The following HDLBP variants were observed in gnomAD, a reference collection of about 807,000 sequenced individuals.
The protein encoded by HDLBP is high density lipoprotein binding protein, also known as vigilin.
A neutral mutation model predicts 137.3 loss-of-function variants in HDLBP; 30 were observed. The ratio of observed to expected loss-of-function variants is 0.22; its 90% CI spans 0.16 to 0.30. The LOEUF (loss-of-function observed/expected upper bound fraction) is 0.30, where lower values mean the gene tolerates loss of function less well. HDLBP is among the 10% of genes least tolerant of loss of function. HDLBP has a pLI of 1.00. For synonymous variants in HDLBP, 606 were observed against 596.0 expected (o/e 1.02, Z -0.24); for missense variants, 1,119 against 1,667.3 (o/e 0.67, Z 5.73).
At chr2:241,287,794 T>C (rs2074875795) in intron 1 of HDLBP, among the ~76,000 whole-genome samples, 1 of 152,080 alleles carries the variant, frequency 6.6e-6, no homozygotes, top group Admixed American at 6.5e-5. Context: ...GCATAAGACC[T>C]CTCTAGAAGG....
In HDLBP at chr2:241,254,918, A is replaced by C. The variant is rs74883155; in HGVS notation, c.1188+133T>G. On this transcript the variant is annotated intron_variant, in intron 9 of 27. Transcript: ENST00000310931. ...AACACGGAAGTTGACCATGTCAAAC[A>C]GGCCAGTTAATTCAGAAAAATACAC... is the stretch of plus-strand genomic sequence containing the variant. 6,041 of 717,670 alleles carry C rather than the reference A, an allele frequency of 8.4e-3. 61 individuals are homozygous for C. The highest frequency in any genetic ancestry group is 0.045 in the African/African-American group (2,547 of 57,192). The allele number at this position is 717,670 out of a possible 1,614,324, so 44.5% of individuals were successfully genotyped here.
chr2:241,287,506 T>C (rs2074863870), intron 1 of HDLBP, among the ~76,000 whole-genome samples: 1 of 150,618 alleles, frequency 6.6e-6, no homozygotes, highest in African/African-American at 2.4e-5. Flanking sequence ...CTGCAACCTC[T>C]GCCTCCCAGG....
rs867541916 is a variant in HDLBP, at chr2:241,272,420, C to T, written c.-102-3879G>A. 5.1e-5 allele frequency: 50 copies of T among 984,752 alleles called. 1 individual carries two copies. The highest frequency in any genetic ancestry group is 1.0e-3 in the Middle Eastern group (2 of 1,912). 61.0% of individuals were successfully genotyped at this position (984,752 alleles called of 1,614,324 possible). The stretch of plus-strand genomic sequence containing the variant: ...GGCCACGGCACCAGGGGTGCCCCAC[C>T]GAAGCCCCGGGAGGAGGCGGGGGAG... On this transcript the variant is annotated intron_variant, in intron 1 of 27. Transcript: ENST00000310931. The surrounding 1 kb of genome is among the most constrained non-coding windows in gnomAD (Gnocchi z 5.6).
chr2:241,247,289 G>A, intron 14 of HDLBP, 147 bp from the exon 15 acceptor site: 1 of 625,882 alleles, frequency 1.6e-6, no homozygotes, highest in South Asian at 1.9e-5. Context: ...GGGTAAGTGA[G>A]ATAGATCATT....
chr2:241,267,562 T>A lies in HDLBP; in HGVS notation c.-37-656A>T, dbSNP rs1039946289. On this transcript the variant is annotated intron_variant, in intron 2 of 27. Transcript: ENST00000310931. ...ACAGCGACCTTGGTTATTCTGTCAATTTGCTCACCACACACCTCTTAATGC... is the reference window on the plus strand; with the variant it reads ...ACAGCGACCTTGGTTATTCTGTCAAATTGCTCACCACACACCTCTTAATGC... 15 of 1,534,796 alleles carry A rather than the reference T, an allele frequency of 9.8e-6. 1 individual carries two copies. In the Middle Eastern group the frequency reaches 6.7e-4, roughly 68 times the overall value.
At chr2:241,235,050 C>T in intron 23 of HDLBP, 71 bp downstream of exon 23, 2 of 1,567,348 alleles carry the variant, frequency 1.3e-6, no homozygotes, top group Admixed American at 3.4e-5. Context: ...GAAGAACTTC[C>T]CTAGATTCTG....
At chr2:241,310,387 T>C (rs1376894642) in intron 1 of HDLBP, among the ~76,000 whole-genome samples, 4 of 152,214 alleles carry the variant, frequency 2.6e-5, no homozygotes, top group Non-Finnish European at 4.4e-5. Flanking sequence ...AATAATAATG[T>C]CGATTTCAAA....
chr2:241,241,848 A>C (rs2071270404), intron 17 of HDLBP, among the ~76,000 whole-genome samples: 1 of 152,250 alleles, frequency 6.6e-6, no homozygotes, highest in East Asian at 1.9e-4. Flanking sequence ...AAATGCCTGC[A>C]AAAGTCAAAA....
chr2:241,266,999 C>CT (rs969520526), intron 2 of HDLBP, 93 bp from the exon 3 acceptor site: 3 of 904,532 alleles, frequency 3.3e-6, no homozygotes, highest in Non-Finnish European at 1.8e-6. Flanking sequence ...GTTTTACTCT[C>CT]TTTTTTACCA....
At position 241,239,562 on chromosome 2, in the gene HDLBP, T is replaced by TG. The variant is rs757818850; in HGVS notation, c.2610+39dup. 2.0e-6 allele frequency: 3 copies of TG among 1,534,670 alleles called. No individual in the cohort carries two copies. The highest frequency in any genetic ancestry group is 1.1e-5 in the South Asian group (1 of 89,100). On this transcript the variant is annotated intron_variant, in intron 19 of 27. Transcript: ENST00000310931. The surrounding 1 kb of genome is among the most constrained non-coding windows in gnomAD (Gnocchi z 4.6). ...ATACACGGCTTCGGTGAGTGGCCAC[T>TG]GGGGGGTGAGAACCCCTCCCCGAGC... is the stretch of plus-strand genomic sequence containing the variant.
rs771607913 is a variant in HDLBP at position 241,255,156 on chromosome 2, G to A, written c.1083C>T (p.Ala361=). 3 of 1,613,578 alleles carry A rather than the reference G, an allele frequency of 1.9e-6. No individual in the cohort carries two copies. Among genetic ancestry groups the A allele is most frequent in the African/African-American group, 2.7e-5 (2 of 74,894 alleles). Residue 361 remains alanine, a splice_region_variant and synonymous_variant, in exon 9 of 28, where the codon GCC becomes GCT. Transcript: ENST00000310931. ...CGACAGAGGAGACGGTGAAGCTATTGGCCTAAGAAAATGGGAGAACAGCCA... is the reference window on the plus strand; with the variant it reads ...CGACAGAGGAGACGGTGAAGCTATTAGCCTAAGAAAATGGGAGAACAGCCA... ...GQALTEVYAK[A]NSFTVSSVAA... is the part of the protein sequence containing the mutation.
Position 241,239,604 on chromosome 2 carries a change from G to C in HDLBP, c.2608C>G (p.Leu870Val). 6.2e-7 allele frequency: 1 copy of C among 1,613,864 alleles called. No individual in the cohort carries two copies. The highest frequency in any genetic ancestry group is 8.5e-7 in the Non-Finnish European group (1 of 1,179,796). Residue 870 changes from leucine to valine, a missense_variant and splice_region_variant, in exon 19 of 28, where the codon CTG (leucine) becomes GTG (valine). This residue lies in a region of HDLBP where 618 missense variants were observed against 816.7 expected (regional missense o/e 0.76). Transcript: ENST00000310931. The surrounding 1 kb of genome is among the most constrained non-coding windows in gnomAD (Gnocchi z 4.6). ...TCCCCGAGCACCCAAGTGCCTACCA[G>C]GTCCTCAATGATCTCCTGAATGCGT... ...KKRIQEIIED[L>V]EAQVTLECAI...
In HDLBP at chr2:241,228,319, C is replaced by CT. The variant is rs1461494445; in HGVS notation, c.*1281dup. The CT allele has an allele frequency of 1.3e-5, 2 of 152,446 alleles. No individual in the cohort carries two copies. Among genetic ancestry groups the CT allele is most frequent in the African/African-American group, 4.8e-5 (2 of 41,476 alleles). 9.4% of individuals were successfully genotyped at this position (152,446 alleles called of 1,614,324 possible). On this transcript the variant is annotated 3_prime_UTR_variant, in exon 28 of 28. Transcript: ENST00000310931. ...AGCCCTCACAGCATGACACAGATGC[C>CT]TCCCTCGGAGAGCAGGGTCTCTCGG...
At chr2:241,257,264 C>T (rs756050722) in intron 5 of HDLBP, among the ~76,000 whole-genome samples, 10 of 152,184 alleles carry the variant, frequency 6.6e-5, no homozygotes, top group South Asian at 2.1e-4. Context: ...GACGGAGTCT[C>T]GCTCTGACGT....
intron 24 of HDLBP, 147 bp from the exon 25 acceptor site, chr2:241,231,091 A>C: frequency 7.2e-6 from 5 of 694,430 alleles, no homozygotes; most frequent in Non-Finnish European, 9.6e-6. Flanking sequence ...GAGGTTAACA[A>C]TGTCCACTCA....
At chr2:241,287,225 C>T (rs2074849545) in intron 1 of HDLBP, among the ~76,000 whole-genome samples, 1 of 152,020 alleles carries the variant, frequency 6.6e-6, no homozygotes, top group Non-Finnish European at 1.5e-5. Flanking sequence ...ATTCTCTTGC[C>T]TCAGCCTCCC....
At chr2:241,306,889 TA>T (rs759322405) in intron 1 of HDLBP, among the ~76,000 whole-genome samples, 3,221 of 68,762 alleles carry the variant, frequency 0.047, 64 homozygotes, top group South Asian at 0.12. Flanking sequence ...CTCAATAAAT[TA>T]AAAAAAAAAA....
At chr2:241,282,400 G>A (rs1046003052) in intron 1 of HDLBP, among the ~76,000 whole-genome samples, 3 of 152,176 alleles carry the variant, frequency 2.0e-5, no homozygotes, top group African/African-American at 4.8e-5. Flanking sequence ...TGGTCTCTTT[G>A]GAGAGCGTAC....
intron 24 of HDLBP, among the ~76,000 whole-genome samples, chr2:241,231,847 T>C (rs1343270506): frequency 6.6e-6 from 1 of 151,946 alleles, no homozygotes; most frequent in Non-Finnish European, 1.5e-5. Flanking sequence ...GAAAACAACA[T>C]GTCCACAACA....
Sources: allele counts gnomAD v4.1 joint callset (sites outside exome capture counted in the v4.1 genomes callset), GRCh38; gene constraint gnomAD v4.1.1; regional missense constraint gnomAD v4.1.1; non-coding constraint Gnocchi (gnomAD v3.1); transcripts MANE v1.5; gene names NCBI Gene and HGNC (gene_info 2026-07-23, HGNC 2026-07-21).